Variants in B4GALT1 observed in about 807,000 individuals in gnomAD.
The protein encoded by B4GALT1 is N-acetyllactosamine synthase.
In B4GALT1, 16 loss-of-function variants were observed where a neutral mutation model predicts 34.9. The ratio of observed to expected loss-of-function variants is 0.46; its 90% CI spans 0.31 to 0.70. The LOEUF is 0.70. Among genes scored for constraint, B4GALT1 ranks in the 30% least tolerant of loss-of-function variants. The probability of loss-of-function intolerance (pLI) is 0.05; values close to 1 mark genes in which losing one functional copy is unlikely to be tolerated. For missense variants in B4GALT1, 445 were observed against 530.5 expected, an observed-to-expected ratio of 0.84 and a Z score of 1.58; for synonymous variants, 221 against 218.1, an observed-to-expected ratio of 1.01 and a Z score of -0.12.
chr9:33,111,773 G>T lies in B4GALT1; in HGVS notation c.*1681C>A, dbSNP rs1451763524. ...GCTGGACCTGGCAAAGGCGCTCAGT[G>T]GTAGGAGTGCCTTGTGTCATCTCAT... On this transcript the variant is annotated 3_prime_UTR_variant, in exon 6 of 6. Transcript: ENST00000379731. 6.6e-6 allele frequency: 1 copy of T among 151,958 alleles called. No homozygotes were observed. Among genetic ancestry groups the T allele is most frequent in the Non-Finnish European group, 1.5e-5 (1 of 68,086 alleles). The allele number at this position is 151,958 out of a possible 1,614,324, so 9.4% of individuals were successfully genotyped here. A position where few individuals can be genotyped will look rare whatever the true frequency, so the allele number is the denominator to read the frequency against.
intron 1 of B4GALT1, among the ~76,000 whole-genome samples, chr9:33,137,722 A>C (rs1190882574): frequency 1.3e-5 from 2 of 152,202 alleles, no homozygotes; most frequent in African/African-American, 2.4e-5. Context: ...TCACTGGGCA[A>C]GCTGGGTAGT....
At position 33,122,160 on chromosome 9, in the gene B4GALT1, A is replaced by C. The variant is rs762565904; in HGVS notation, c.649-1554T>G. Among the ~76,000 whole-genome samples, 741 of 152,262 alleles carry C rather than the reference A, an allele frequency of 4.9e-3. 1 individual carries two copies. The highest frequency in any genetic ancestry group is 8.3e-3 in the Non-Finnish European group (566 of 67,996). ...CTACTTTGGGGAAAAAGTGTGTCAT[A>C]GGGGCTTGCGACTGGTACACAATCT... On this transcript the variant is annotated intron_variant, in intron 2 of 5. Coordinates refer to ENST00000379731, the MANE Select transcript of B4GALT1 (RefSeq NM_001497.4).
At chr9:33,182,382 A>G in the B4GALT1 span, among the ~76,000 whole-genome samples, 78 of 152,298 alleles carry the variant, frequency 5.1e-4, no homozygotes, top group Non-Finnish European at 8.7e-4. Flanking sequence ...AAATAAGCTC[A>G]ATTCTGAGGT....
At chr9:33,109,500 G>T (rs554670286), downstream of B4GALT1, among the ~76,000 whole-genome samples, 1 of 152,252 alleles carries the variant, frequency 6.6e-6, no homozygotes, top group African/African-American at 2.4e-5. Flanking sequence ...TAGCTGGTTG[G>T]TCAGAAGTAT....
At chr9:33,166,475 C>G (rs555468444) in intron 1 of B4GALT1, among the ~76,000 whole-genome samples, 1 of 152,336 alleles carries the variant, frequency 6.6e-6, no homozygotes, top group East Asian at 1.9e-4. Context: ...CGGGCCACAG[C>G]AGGGAAGTCT....
chr9:33,167,196 G>A lies in B4GALT1; in HGVS notation c.-27C>T. The A allele has an allele frequency of 6.3e-7, 1 of 1,581,546 alleles. No individual in the cohort carries two copies. Among genetic ancestry groups the A allele is most frequent in the African/African-American group, 1.4e-5 (1 of 73,946 alleles). On this transcript the variant is annotated 5_prime_UTR_variant, in exon 1 of 6. Coordinates refer to ENST00000379731, the MANE Select transcript of B4GALT1 (RefSeq NM_001497.4). The stretch of plus-strand genomic sequence containing the variant: ...TTCCCGCCGCCGCTTTAAGAAGGGT[G>A]TGGGCTACAGGAGGGGAGGCGACCC...
At chr9:33,173,764 G>A in the B4GALT1 span, among the ~76,000 whole-genome samples, 1 of 152,028 alleles carries the variant, frequency 6.6e-6, no homozygotes, top group African/African-American at 2.4e-5. Context: ...TCCAGGGACT[G>A]GCTAGGAATA....
chr9:33,131,210 C>A (rs1012634116), intron 2 of B4GALT1, among the ~76,000 whole-genome samples: 8 of 152,200 alleles, frequency 5.3e-5, no homozygotes, highest in Admixed American at 4.6e-4. Flanking sequence ...GGCACTAAAC[C>A]TGGAGTCAGA....
At chr9:33,173,219 C>A in the B4GALT1 span, among the ~76,000 whole-genome samples, 1 of 152,142 alleles carries the variant, frequency 6.6e-6, no homozygotes, top group Non-Finnish European at 1.5e-5. Flanking sequence ...GCCTGGCCAA[C>A]GTGTTGAAAC....
chr9:33,162,195 T>C (rs2118315655), intron 1 of B4GALT1, among the ~76,000 whole-genome samples: 1 of 152,194 alleles, frequency 6.6e-6, no homozygotes, highest in African/African-American at 2.4e-5. Context: ...GCTTCAGAAA[T>C]TAGAGGAAAA....
At position 33,145,544 on chromosome 9, in the gene B4GALT1, A is replaced by G. The variant is rs553048169; in HGVS notation, c.413-10120T>C. On this transcript the variant is annotated intron_variant, in intron 1 of 5. Coordinates refer to ENST00000379731, the MANE Select transcript of B4GALT1 (RefSeq NM_001497.4). Reference sequence around the variant, plus strand: ...CTCAAAGGGCCAGGATCCACCTCGAATCAGACCCTAGAGAATCCTGGCAGA... The same window carrying G: ...CTCAAAGGGCCAGGATCCACCTCGAGTCAGACCCTAGAGAATCCTGGCAGA... 2.0e-5 allele frequency among the ~76,000 whole-genome samples: 3 copies of G among 152,276 alleles called. No individual in the cohort carries two copies. In the East Asian group the frequency reaches 5.8e-4, roughly 29 times the overall value.
intron 1 of B4GALT1, among the ~76,000 whole-genome samples, chr9:33,147,313 C>T (rs1275733750): frequency 6.7e-6 from 1 of 148,930 alleles, no homozygotes; most frequent in African/African-American, 2.5e-5. Context: ...TGCAATGTGC[C>T]ATCCCGGCTT....
chr9:33,132,525 G>C (rs1203465277), intron 2 of B4GALT1, among the ~76,000 whole-genome samples: 1 of 152,246 alleles, frequency 6.6e-6, no homozygotes, highest in Non-Finnish European at 1.5e-5. Context: ...TTTTGGAGAA[G>C]CACTCTCTTA....
At chr9:33,105,507 A>G (rs1036253046) in intron 2 of B4GALT1, among the ~76,000 whole-genome samples, 1 of 152,184 alleles carries the variant, frequency 6.6e-6, no homozygotes, top group Non-Finnish European at 1.5e-5. Context: ...CAGAGTGCCA[A>G]TGTAAAGTTC....
chr9:33,165,131 T>C (rs915475680), intron 1 of B4GALT1, among the ~76,000 whole-genome samples: 3 of 151,864 alleles, frequency 2.0e-5, no homozygotes, highest in African/African-American at 7.3e-5. Flanking sequence ...CTGGCTAACT[T>C]TTTTGTATTT....
At chr9:33,122,041 A>T (rs1330256628) in intron 2 of B4GALT1, among the ~76,000 whole-genome samples, 1 of 152,080 alleles carries the variant, frequency 6.6e-6, no homozygotes, top group African/African-American at 2.4e-5. Context: ...TCTTCACAAC[A>T]CCAACATGAG....
At chr9:33,152,757 C>G (rs1286452904) in intron 1 of B4GALT1, among the ~76,000 whole-genome samples, 2 of 151,954 alleles carry the variant, frequency 1.3e-5, no homozygotes, top group Admixed American at 6.6e-5. Context: ...ACCTATAGTC[C>G]CAGATACTTG....
chr9:33,122,460 C>T (rs1027416950), intron 2 of B4GALT1, among the ~76,000 whole-genome samples: 2 of 151,854 alleles, frequency 1.3e-5, no homozygotes, highest in African/African-American at 2.4e-5. Flanking sequence ...TGAGCCATGA[C>T]GGCACCACTG....
At chr9:33,117,153 C>G (rs936865411) in intron 3 of B4GALT1, among the ~76,000 whole-genome samples, 4 of 152,174 alleles carry the variant, frequency 2.6e-5, no homozygotes, top group African/African-American at 9.7e-5. Flanking sequence ...CACAGCCCCC[C>G]TTCCACACCC....
Sources: gnomAD v4.1 joint callset for allele counts (sites outside exome capture counted in the v4.1 genomes callset) on GRCh38, gnomAD v4.1.1 for gene constraint, MANE v1.5 for transcripts, NCBI Gene and HGNC (gene_info 2026-07-23, HGNC 2026-07-21) for gene names.